Variants in FAM91A1 observed in about 807,000 individuals in gnomAD.
The protein encoded by FAM91A1 is protein FAM91A1.
Under a neutral mutation model 113.5 loss-of-function variants are expected in FAM91A1, and 41 were observed. The ratio of observed to expected loss-of-function variants is 0.36; its 90% CI spans 0.28 to 0.47. FAM91A1 has a LOEUF of 0.47. Among genes scored for constraint, FAM91A1 ranks in the 20% least tolerant of loss-of-function variants. The probability of loss-of-function intolerance (pLI) is 1.00; values close to 1 mark genes in which losing one functional copy is unlikely to be tolerated. For synonymous variants in FAM91A1, 307 were observed against 347.9 expected (o/e 0.88, Z 1.31); for missense variants, 696 against 1,001.2 (o/e 0.70, Z 4.11).
intron 21 of FAM91A1, 46 bp downstream of exon 21, chr8:123,808,422 G>A (rs1815867123): frequency 4.0e-6 from 6 of 1,515,026 alleles, no homozygotes; most frequent in East Asian, 4.6e-5. Context: ...TAATTTCTGA[G>A]GTTTAACTTT....
At chr8:123,771,435 G>C (rs190033979) in intron 1 of FAM91A1, among the ~76,000 whole-genome samples, 1 of 152,140 alleles carries the variant, frequency 6.6e-6, no homozygotes. Flanking sequence ...CCTTGAAAAT[G>C]ACTCATTTTC....
intron 22 of FAM91A1, 70 bp from the exon 23 acceptor site, chr8:123,810,212 A>C (rs1001351372): frequency 1.5e-5 from 22 of 1,457,676 alleles, no homozygotes; most frequent in Middle Eastern, 2.5e-4. Flanking sequence ...GCTAAAATTA[A>C]ACTCTTATGA....
chr8:123,771,039 C>T (rs951557266), intron 1 of FAM91A1, among the ~76,000 whole-genome samples: 1 of 152,220 alleles, frequency 6.6e-6, no homozygotes, highest in African/African-American at 2.4e-5. Context: ...TTCTGAAATG[C>T]AAACCCAACC....
chr8:123,768,611 C>T lies in FAM91A1; in HGVS notation c.-92C>T. 2 of 1,176,240 alleles carry T rather than the reference C, an allele frequency of 1.7e-6. No homozygotes were observed. The highest frequency in any genetic ancestry group is 2.3e-6 in the Non-Finnish European group (2 of 852,196). The allele number at this position is 1,176,240 out of a possible 1,614,324, so 72.9% of individuals were successfully genotyped here. A position where few individuals can be genotyped will look rare whatever the true frequency, so the allele number is the denominator to read the frequency against. Reference sequence around the variant, plus strand: ...GCAGTGTGAGGCGCGGGGCCTCCCGCGTCGCTCCGCTGACAGGCTGCGGGC... The same window carrying T: ...GCAGTGTGAGGCGCGGGGCCTCCCGTGTCGCTCCGCTGACAGGCTGCGGGC... On this transcript the variant is annotated 5_prime_UTR_variant, in exon 1 of 24. Transcript: ENST00000334705.
At chr8:123,808,248 T>C (rs763121521) in intron 20 of FAM91A1, 24 bp from the exon 21 acceptor site, 2 of 1,583,824 alleles carry the variant, frequency 1.3e-6, no homozygotes, top group Non-Finnish European at 1.7e-6. Context: ...AATCCTAATA[T>C]TGTGTATGCC....
intron 11 of FAM91A1, chr8:123,786,254 T>C: frequency 2.3e-6 from 1 of 442,976 alleles, no homozygotes; most frequent in Non-Finnish European, 4.0e-6. Context: ...AAAAAGCAAA[T>C]AAATATTTTA....
At chr8:123,778,838 T>C (rs1014589718) in intron 6 of FAM91A1, 66 bp downstream of exon 6, 1 of 1,056,540 alleles carries the variant, frequency 9.5e-7, no homozygotes, top group Non-Finnish European at 1.3e-6. Flanking sequence ...TTTTTAATTA[T>C]AGCTTATAAT....
intron 15 of FAM91A1, among the ~76,000 whole-genome samples, chr8:123,795,063 C>T (rs1815479284): frequency 6.6e-6 from 1 of 152,088 alleles, no homozygotes; most frequent in Non-Finnish European, 1.5e-5. Context: ...TACCTATAGA[C>T]TCTAATATGA....
rs1195348217 is a variant in FAM91A1 at position 123,814,589 on chromosome 8, T to G, written c.*1885T>G. The G allele has an allele frequency of 1.3e-5, 2 of 153,882 alleles. No homozygotes were observed. The highest frequency in any genetic ancestry group is 3.8e-4 in the East Asian group (2 of 5,234). The allele number at this position is 153,882 out of a possible 1,614,324, so 9.5% of individuals were successfully genotyped here. The stretch of plus-strand genomic sequence containing the variant: ...GAAAGGAGGAAGAAATAGAACCTAA[T>G]AGTGATCATGAATTTTAGGGAAAGT... On this transcript the variant is annotated 3_prime_UTR_variant, in exon 24 of 24. Coordinates refer to ENST00000334705, the MANE Select transcript of FAM91A1 (RefSeq NM_144963.4).
At chr8:123,803,621 GTGTT>G (rs931008445) in intron 18 of FAM91A1, among the ~76,000 whole-genome samples, 17 of 152,188 alleles carry the variant, frequency 1.1e-4, no homozygotes, top group African/African-American at 4.1e-4. Flanking sequence ...TGTTTTTAAA[GTGTT>G]TGTTAAGGAG....
chr8:123,780,580 G>A (rs1203819954), intron 8 of FAM91A1, 38 bp downstream of exon 8: 1 of 1,539,384 alleles, frequency 6.5e-7, no homozygotes, highest in South Asian at 1.1e-5. Flanking sequence ...TTTTTTGAAT[G>A]GATATCAGGT....
intron 23 of FAM91A1, chr8:123,811,954 CT>C (rs1428712395): frequency 1.3e-5 from 2 of 152,360 alleles, no homozygotes; most frequent in Non-Finnish European, 2.9e-5. Context: ...TCACTGCAAC[CT>C]TTGCCTCCTG....
rs1267671880 is a variant in FAM91A1 at position 123,768,488 on chromosome 8, GGCGATCCAGCCTCCAATC to G, written c.-212_-195del. ...CTAGGAAGAAACTTGGAGCTGTTCA[GGCGATCCAGCCTCCAATC>G]GCTGCTGCTCTTGTACTCGGTTGGC... On this transcript the variant is annotated 5_prime_UTR_variant, in exon 1 of 24. Coordinates refer to ENST00000334705, the MANE Select transcript of FAM91A1 (RefSeq NM_144963.4). 3 of 482,056 alleles carry G rather than the reference GGCGATCCAGCCTCCAATC, an allele frequency of 6.2e-6. No homozygotes were observed. In the Admixed American group the frequency reaches 1.2e-4, roughly 20 times the overall value. 29.9% of individuals were successfully genotyped at this position (482,056 alleles called of 1,614,324 possible). A position where few individuals can be genotyped will look rare whatever the true frequency, so the allele number is the denominator to read the frequency against.
intron 14 of FAM91A1, 66 bp downstream of exon 14, chr8:123,787,816 C>A: frequency 8.0e-7 from 1 of 1,255,968 alleles, no homozygotes; most frequent in Non-Finnish European, 1.1e-6. Context: ...TGACAGAATG[C>A]CAATTATACA....
intron 6 of FAM91A1, among the ~76,000 whole-genome samples, chr8:123,779,607 CTG>C (rs1815070083): frequency 6.6e-6 from 1 of 152,196 alleles, no homozygotes; most frequent in Non-Finnish European, 1.5e-5. Context: ...AACTCTCAAA[CTG>C]TATCATAATA....
In FAM91A1 at chr8:123,798,275, A is replaced by G. The variant is rs1300271276; in HGVS notation, c.1560+37A>G. ...CTTGGAAGATCCACTTGGTAGTGTC[A>G]TGAGTCCCATCAGTTTTGTTTTCTT... On this transcript the variant is annotated intron_variant, in intron 16 of 23. Coordinates refer to ENST00000334705, the MANE Select transcript of FAM91A1 (RefSeq NM_144963.4). 10 of 1,602,392 alleles carry G rather than the reference A, an allele frequency of 6.2e-6. No homozygotes were observed. In the East Asian group the frequency reaches 1.3e-4, roughly 22 times the overall value.
intron 21 of FAM91A1, 82 bp from the exon 22 acceptor site, chr8:123,808,811 A>C (rs182102967): frequency 9.0e-6 from 12 of 1,336,808 alleles, no homozygotes; most frequent in African/African-American, 1.5e-5. Context: ...ACTTCAGGTT[A>C]AGAAACCCTT....
rs183803542 is a variant in FAM91A1 at position 123,774,248 on chromosome 8, A to T, written c.157+84A>T. The T allele has an allele frequency of 2.8e-4, 309 of 1,086,068 alleles. 1 individual carries two copies. In the African/African-American group the frequency reaches 4.3e-3, roughly 15 times the overall value. 67.3% of individuals were successfully genotyped at this position (1,086,068 alleles called of 1,614,324 possible). ...AATCTTTCTTTTCAATACATATTTC[A>T]TAGTACTGAGATTATTCCATGTACA... On this transcript the variant is annotated intron_variant, in intron 2 of 23. Coordinates refer to ENST00000334705, the MANE Select transcript of FAM91A1 (RefSeq NM_144963.4).
intron 1 of FAM91A1, among the ~76,000 whole-genome samples, chr8:123,769,419 G>C (rs1803258996): frequency 6.6e-6 from 1 of 152,208 alleles, no homozygotes; most frequent in Admixed American, 6.5e-5. Flanking sequence ...AGTGCGCGGG[G>C]CTGGTAGCAG....
Sources: gnomAD v4.1 joint callset for allele counts (sites outside exome capture counted in the v4.1 genomes callset) on GRCh38, gnomAD v4.1.1 for gene constraint, MANE v1.5 for transcripts, NCBI Gene and HGNC (gene_info 2026-07-23, HGNC 2026-07-21) for gene names.